The following FUBP1 variants were observed in gnomAD, a reference collection of about 807,000 sequenced individuals.
FUBP1 encodes far upstream element binding protein 1.
FUBP1 carries 16 observed loss-of-function variants against 94.9 expected under a neutral mutation model. That is an observed-to-expected ratio of 0.17 (90% CI 0.11 to 0.26). The LOEUF (loss-of-function observed/expected upper bound fraction) is 0.26. Ranked by LOEUF, FUBP1 falls within the 10% of genes least tolerant of loss-of-function variation. The pLI, the probability that FUBP1 is intolerant of heterozygous loss-of-function variation, is 1.00. For missense variants in FUBP1, 583 were observed against 808.6 expected (o/e 0.72, Z 3.38); for synonymous variants, 279 against 254.9 (o/e 1.09, Z -0.90).
chr1:77,977,603 A>G (rs1017850325), intron 1 of FUBP1, among the ~76,000 whole-genome samples: 2 of 152,218 alleles, frequency 1.3e-5, no homozygotes, highest in African/African-American at 4.8e-5. Context: ...TTCTGGTAAA[A>G]TAAAATAGTT....
At chr1:77,979,230 A>AT, upstream of FUBP1, 1 of 533,380 alleles carries the variant, frequency 1.9e-6, no homozygotes, top group Non-Finnish European at 3.3e-6. Flanking sequence ...CGTCGCGAGG[A>AT]TTAAGTTTAA....
chr1:77,964,761 A>G lies in FUBP1; in HGVS notation c.736-14T>C, dbSNP rs1387704320. ...TTCCTTGGCTTGCTAAAGCAGAAAA[A>G]GTTAGCTAATTTAGAAAGCATGTCT... is the stretch of plus-strand genomic sequence containing the variant. On this transcript the variant is annotated splice_polypyrimidine_tract_variant and intron_variant, in intron 9 of 19. Transcript: ENST00000370768. 2 of 1,588,636 alleles carry G rather than the reference A, an allele frequency of 1.3e-6. No homozygotes were observed. The highest frequency in any genetic ancestry group is 1.3e-5 in the African/African-American group (1 of 74,382).
At chr1:77,961,228 T>G (rs1367868182) in intron 14 of FUBP1, among the ~76,000 whole-genome samples, 1 of 152,224 alleles carries the variant, frequency 6.6e-6, no homozygotes, top group Non-Finnish European at 1.5e-5. Context: ...TTAACTGTCC[T>G]AAAATGCTCC....
In FUBP1 at chr1:77,946,742, A is replaced by C. The variant is rs1197528508; in HGVS notation, c.*2024T>G. On this transcript the variant is annotated 3_prime_UTR_variant, in exon 20 of 20. Coordinates refer to ENST00000370768, the MANE Select transcript of FUBP1 (RefSeq NM_003902.5). The stretch of plus-strand genomic sequence containing the variant: ...CCACTTTCCTAAAAGGTCATCTATA[A>C]AACAGTATCATGCAAAATACTGCAA... The C allele has an allele frequency of 9.7e-6, 2 of 207,210 alleles. No homozygotes were observed. Among genetic ancestry groups the C allele is most frequent in the Non-Finnish European group, 2.0e-5 (2 of 101,408 alleles). 12.8% of individuals were successfully genotyped at this position (207,210 alleles called of 1,614,324 possible).
At chr1:77,969,183 CACTT>C (rs1308981801) in intron 2 of FUBP1, 1 of 355,494 alleles carries the variant, frequency 2.8e-6, no homozygotes. Context: ...ATATGAAAGA[CACTT>C]AAATAAAAGG....
chr1:77,950,922 CTT>C (rs1653343230), intron 18 of FUBP1, among the ~76,000 whole-genome samples: 1 of 152,110 alleles, frequency 6.6e-6, no homozygotes, highest in Non-Finnish European at 1.5e-5. Context: ...ACCCTCTTTT[CTT>C]GGGTAACAGA....
intron 7 of FUBP1, among the ~76,000 whole-genome samples, chr1:77,965,797 C>A (rs535352202): frequency 6.6e-6 from 1 of 152,212 alleles, no homozygotes; most frequent in East Asian, 1.9e-4. Context: ...GCCTGTAATC[C>A]CAGGACTTTG....
At chr1:77,968,537 T>C (rs1656937002) in intron 2 of FUBP1, among the ~76,000 whole-genome samples, 1 of 151,822 alleles carries the variant, frequency 6.6e-6, no homozygotes. Context: ...TAAAGGCTAA[T>C]GATGCTTCCA....
chr1:77,967,165 T>C lies in FUBP1; in HGVS notation c.291-64A>G, dbSNP rs771599541. ...AGATACTTTGTTTACAAATAAAAGA[T>C]AATCTATTAATAAAAATGGAAGTCT... On this transcript the variant is annotated intron_variant, in intron 4 of 19. Transcript: ENST00000370768. 7.1e-5 allele frequency: 74 copies of C among 1,045,314 alleles called. 1 individual carries two copies. The highest frequency in any genetic ancestry group is 9.7e-5 in the Non-Finnish European group (68 of 702,710). 64.8% of individuals were successfully genotyped at this position (1,045,314 alleles called of 1,614,324 possible).
chr1:77,968,990 AC>A (rs950648657), intron 2 of FUBP1: 1 of 819,138 alleles, frequency 1.2e-6, no homozygotes, highest in African/African-American at 1.8e-5. Context: ...ACGTTTACAT[AC>A]TGAACACAGG....
chr1:77,947,001 A>G lies in FUBP1; in HGVS notation c.*1765T>C, dbSNP rs557323449. ...GTACCTCTTCCTTTAAAGTATATTC[A>G]AAACAACAAATGGTGCTCTCCACCA... is the stretch of plus-strand genomic sequence containing the variant. On this transcript the variant is annotated 3_prime_UTR_variant, in exon 20 of 20. Transcript: ENST00000370768. 152 of 208,712 alleles carry G rather than the reference A, an allele frequency of 7.3e-4. No homozygotes were observed. The highest frequency in any genetic ancestry group is 3.0e-3 in the African/African-American group (132 of 44,104). The allele number at this position is 208,712 out of a possible 1,614,324, so 12.9% of individuals were successfully genotyped here. A position where few individuals can be genotyped will look rare whatever the true frequency, so the allele number is the denominator to read the frequency against.
rs746140021 is a variant in FUBP1 at position 77,956,621 on chromosome 1, T to A, written c.1656A>T (p.Pro552=). Residue 552 remains proline (P), a synonymous_variant, in exon 17 of 20, where the codon CCA becomes CCT. Transcript: ENST00000370768. The part of the protein sequence containing the change: ...AHYYQQQAQP[P]PAAPAGAPTT... The stretch of plus-strand genomic sequence containing the variant: ...TTGGTGCACCTGCAGGGGCTGCTGG[T>A]GGTGGCTGTGCTTGCTGTTGATAAT... 1 of 1,612,648 alleles carries A rather than the reference T, an allele frequency of 6.2e-7. No homozygotes were observed. Among genetic ancestry groups the A allele is most frequent in the South Asian group, 1.1e-5 (1 of 91,060 alleles).
chr1:77,950,170 A>T (rs1382623503), intron 18 of FUBP1, among the ~76,000 whole-genome samples: 1 of 152,122 alleles, frequency 6.6e-6, no homozygotes, highest in Non-Finnish European at 1.5e-5. Context: ...TATTGAGGGT[A>T]TTTATTTTCA....
At position 77,947,673 on chromosome 1, in the gene FUBP1, G is replaced by T. The variant is rs1260406141; in HGVS notation, c.*1093C>A. ...ATTTCAACAAAATATCAGAACTTCAGCATGAGTGTTAAAGAGTAATAAAAT... is the reference window on the plus strand; with the variant it reads ...ATTTCAACAAAATATCAGAACTTCATCATGAGTGTTAAAGAGTAATAAAAT... On this transcript the variant is annotated 3_prime_UTR_variant, in exon 20 of 20. Transcript: ENST00000370768. The T allele has an allele frequency of 6.0e-6, 4 of 662,312 alleles. No homozygotes were observed. The Admixed American group carries it at 9.1e-5, about 15-fold the overall frequency. 41.0% of individuals were successfully genotyped at this position (662,312 alleles called of 1,614,324 possible). A position where few individuals can be genotyped will look rare whatever the true frequency, so the allele number is the denominator to read the frequency against.
intron 2 of FUBP1, chr1:77,969,149 T>C (rs1472083245): frequency 1.7e-5 from 10 of 574,346 alleles, no homozygotes; most frequent in African/African-American, 5.9e-5. Flanking sequence ...TCATTTTTTT[T>C]CTACATTAAA....
At chr1:77,974,141 T>G (rs1658143502) in intron 1 of FUBP1, among the ~76,000 whole-genome samples, 1 of 149,470 alleles carries the variant, frequency 6.7e-6, no homozygotes, top group Admixed American at 6.7e-5. Context: ...TTGGTTTTTT[T>G]TTTTTTTTTT....
chr1:77,952,781 G>C (rs2102272374), intron 18 of FUBP1, among the ~76,000 whole-genome samples: 1 of 152,286 alleles, frequency 6.6e-6, no homozygotes, highest in Non-Finnish European at 1.5e-5. Context: ...AATTGACTCC[G>C]TATGATGATG....
Position 77,966,726 on chromosome 1 carries a change from G to C in FUBP1, c.441C>G (p.Ser147=). 4 of 1,577,900 alleles carry C rather than the reference G, an allele frequency of 2.5e-6. No homozygotes were observed. The highest frequency in any genetic ancestry group is 1.1e-5 in the South Asian group (1 of 90,206). ...APDSGGLPER[S]CMLTGTPESV... ...ATTCAGGTGTTCCAGTTAACATACA[G>C]GACCTTTCTGGAAGGCCACCACTGT... is the stretch of plus-strand genomic sequence containing the variant. Residue 147 remains serine (S), a synonymous_variant, in exon 7 of 20, where the codon TCC becomes TCG. Coordinates refer to ENST00000370768, the MANE Select transcript of FUBP1 (RefSeq NM_003902.5).
intron 2 of FUBP1, 73 bp from the exon 3 acceptor site, chr1:77,968,276 TAACAA>T: frequency 4.8e-6 from 4 of 830,478 alleles, no homozygotes; most frequent in Non-Finnish European, 7.7e-6. Flanking sequence ...CAAGAATAAA[TAACAA>T]TATAAACATT....
Sources: allele counts gnomAD v4.1 joint callset (sites outside exome capture counted in the v4.1 genomes callset), GRCh38; gene constraint gnomAD v4.1.1; transcripts MANE v1.5; gene names NCBI Gene and HGNC (gene_info 2026-07-23, HGNC 2026-07-21).